The following TTN variants were observed in gnomAD, a reference collection of about 807,000 sequenced individuals.
TTN encodes titin.
In TTN, 1,525 loss-of-function variants were observed where a neutral mutation model predicts 3,223.0. The ratio of observed to expected loss-of-function variants is 0.47; its 90% CI spans 0.45 to 0.49. The LOEUF (loss-of-function observed/expected upper bound fraction) is 0.49. TTN is among the 20% of genes least tolerant of loss of function. The pLI is 0.00. For missense variants in TTN, 40,786 were observed against 43,424.0 expected (o/e 0.94, Z 5.40); for synonymous variants, 14,094 against 15,161.0 (o/e 0.93, Z 5.17).
chr2:178,567,329 G>A lies in TTN; in HGVS notation c.78803C>T (p.Ala26268Val). ...RIDGGQYILR[A>V]SNVAGSKSFP... ...TGACTTAGAACCTGCAACATTGGAAGCTCTTAAAATATACTGCCCACCATC... is the reference window on the plus strand; with the variant it reads ...TGACTTAGAACCTGCAACATTGGAAACTCTTAAAATATACTGCCCACCATC... Residue 26268 changes from alanine to valine, a missense_variant, in exon 326 of 363, where the codon GCT (alanine) becomes GTT (valine). Coordinates refer to ENST00000589042, the MANE Select transcript of TTN (RefSeq NM_001267550.2). The A allele has an allele frequency of 6.2e-7, 1 of 1,604,834 alleles. No homozygotes were observed. Among genetic ancestry groups the A allele is most frequent in the Non-Finnish European group, 8.5e-7 (1 of 1,176,692 alleles).
chr2:178,786,804 G>A (rs1367942597), intron 13 of TTN, among the ~76,000 whole-genome samples: 1 of 152,204 alleles, frequency 6.6e-6, no homozygotes, highest in Non-Finnish European at 1.5e-5. Flanking sequence ...TAAAATGAAA[G>A]TGTTATCATG....
In TTN at chr2:178,532,507, A is replaced by G; in HGVS notation, c.104108T>C (p.Phe34703Ser). The change falls in exon 358 of 363, where the codon TTT becomes TCT. Residue 34703 changes from phenylalanine (F) to serine (S), a missense_variant. Physicochemically the swap from Phe to Ser is radical, Grantham distance 155. Coordinates refer to ENST00000589042, the MANE Select transcript of TTN (RefSeq NM_001267550.2). ...ASPPSRSPPH[F>S]ELSSLRYSSP... ...AGAGTAACGTAGGCTAGAAAGCTCAAAGTGTGGAGGGCTTCGACTTGGGGG... is the reference window on the plus strand; with the variant it reads ...AGAGTAACGTAGGCTAGAAAGCTCAGAGTGTGGAGGGCTTCGACTTGGGGG... The G allele has an allele frequency of 6.2e-7, 1 of 1,614,014 alleles. No individual in the cohort carries two copies. Among genetic ancestry groups the G allele is most frequent in the Non-Finnish European group, 8.5e-7 (1 of 1,179,876 alleles).
At position 178,552,171 on chromosome 2, in the gene TTN, G is replaced by C. The variant is rs753176908; in HGVS notation, c.90729C>G (p.Ile30243Met). 6.2e-7 allele frequency: 1 copy of C among 1,613,744 alleles called. No homozygotes were observed. ...RFDEIKADSV[I>M]LSWDVPEDNG... ...TATCTTCAGGTACATCCCATGACAG[G>C]ATGACACTATCAGCCTTGATTTCAT... is the stretch of plus-strand genomic sequence containing the variant. Residue 30243 changes from isoleucine (I) to methionine (M), a missense_variant, in exon 335 of 363, where the codon ATC (isoleucine) becomes ATG (methionine). Physicochemically the swap from Ile to Met is conservative, Grantham distance 10 (BLOSUM62 1). Coordinates refer to ENST00000589042, the MANE Select transcript of TTN (RefSeq NM_001267550.2).
chr2:178,776,544 T>C lies in TTN; in HGVS notation c.5320A>G (p.Ile1774Val), dbSNP rs758207512. 6.2e-7 allele frequency: 1 copy of C among 1,611,726 alleles called. No individual in the cohort carries two copies. The highest frequency in any genetic ancestry group is 8.5e-7 in the Non-Finnish European group (1 of 1,179,992). ...TTGTTAGTGGCTCTGCAAGTAATGATACCACTGTCTCTAGAATATGCAACG... is the reference window on the plus strand; with the variant it reads ...TTGTTAGTGGCTCTGCAAGTAATGACACCACTGTCTCTAGAATATGCAACG... ...YGVAYSRDSG[I>V]ITCRATNKYG... The change falls in exon 28 of 363, where the codon ATC becomes GTC. Residue 1774 changes from isoleucine to valine, a missense_variant. Ile to Val is a conservative substitution (Grantham distance 29). Coordinates refer to ENST00000589042, the MANE Select transcript of TTN (RefSeq NM_001267550.2).
rs188265685 is a variant in TTN at position 178,596,747 on chromosome 2, T to A, written c.57544+791A>T. On this transcript the variant is annotated intron_variant, in intron 294 of 362. Transcript: ENST00000589042. ...ATATTAATTATATTCAACATAGAAC[T>A]GGCAATTTTCACATAAAAACTGTGG... Among the ~76,000 whole-genome samples the A allele has an allele frequency of 6.6e-5, 10 of 152,186 alleles. No homozygotes were observed. The South Asian group carries it at 1.2e-3, about 19-fold the overall frequency.
chr2:178,565,444 A>T lies in TTN; in HGVS notation c.80688T>A (p.Asp26896Glu). 6.2e-7 allele frequency: 1 copy of T among 1,613,336 alleles called. No homozygotes were observed. Among genetic ancestry groups the T allele is most frequent in the Non-Finnish European group, 8.5e-7 (1 of 1,179,614 alleles). Residue 26896 changes from aspartate (D) to glutamate (E), a missense_variant, in exon 326 of 363, where the codon GAT becomes GAA. Physicochemically the swap from Asp to Glu is conservative, Grantham distance 45. Transcript: ENST00000589042. ...FNTYSIQAGEDLKIEIPVIGR... is the reference protein window; with the variant it reads ...FNTYSIQAGEELKIEIPVIGR... Reference sequence around the variant, plus strand: ...CTATAACTGGAATTTCTATTTTAAGATCTTCTCCAGCTTGGATACTATATG... The same window carrying T: ...CTATAACTGGAATTTCTATTTTAAGTTCTTCTCCAGCTTGGATACTATATG...
chr2:178,720,588 A>G lies in TTN; in HGVS notation c.23174T>C (p.Ile7725Thr). 6.2e-7 allele frequency: 1 copy of G among 1,613,356 alleles called. No individual in the cohort carries two copies. Among genetic ancestry groups the G allele is most frequent in the Non-Finnish European group, 8.5e-7 (1 of 1,179,562 alleles). Reference protein sequence around the residue: ...KGSDVILQCEISGTPPFEVVW... With the variant: ...KGSDVILQCETSGTPPFEVVW... ...TACTTCAAATGGGGGAGTTCCCGAA[A>G]TTTCACATTGGAGAATCACATCAGA... The change falls in exon 80 of 363, where the codon ATT becomes ACT. Residue 7725 changes from isoleucine (I) to threonine (T), a missense_variant. Transcript: ENST00000589042.
chr2:178,547,636 C>T lies in TTN; in HGVS notation c.93990G>A (p.Trp31330Ter). ...TGCCTCCTCCATCTTTAGGTTCTCC[C>T]CATGACAGGACACACGATTCAGCTG... ...SVSAESCVLS[W>*]GEPKDGGGTE... is the part of the protein sequence containing the mutation. Residue 31330 changes from tryptophan to a stop codon, truncating the protein, a stop_gained, in exon 339 of 363, where the codon TGG becomes TGA. Coordinates refer to ENST00000589042, the MANE Select transcript of TTN (RefSeq NM_001267550.2). LOFTEE classifies it high-confidence loss of function. 1 of 1,613,846 alleles carries T rather than the reference C, an allele frequency of 6.2e-7. No homozygotes were observed. Among genetic ancestry groups the T allele is most frequent in the Non-Finnish European group, 8.5e-7 (1 of 1,179,800 alleles).
At position 178,562,158 on chromosome 2, in the gene TTN, C is replaced by A; in HGVS notation, c.83974G>T (p.Ala27992Ser). The part of the protein sequence containing the change: ...IDVPFKGRPQ[A>S]TVNWRKDGQT... Reference sequence around the variant, plus strand: ...CCATCTTTTCTCCAGTTCACAGTAGCTTGAGGTCTTCCTTTGAATGGCACA... The same window carrying A: ...CCATCTTTTCTCCAGTTCACAGTAGATTGAGGTCTTCCTTTGAATGGCACA... Residue 27992 changes from alanine to serine, a missense_variant, in exon 326 of 363, where the codon GCT becomes TCT. Transcript: ENST00000589042. 1 of 1,613,172 alleles carries A rather than the reference C, an allele frequency of 6.2e-7. No homozygotes were observed. Among genetic ancestry groups the A allele is most frequent in the Non-Finnish European group, 8.5e-7 (1 of 1,179,554 alleles).
intron 139 of TTN, 59 bp from the exon 140 acceptor site, chr2:178,680,114 C>G: frequency 6.3e-7 from 1 of 1,596,256 alleles, no homozygotes; most frequent in East Asian, 2.2e-5. Flanking sequence ...AATTAAGACA[C>G]CTTAGAAACA....
rs759781894 is a variant in TTN at position 178,709,774 on chromosome 2, T to G, written c.28545A>C (p.Gly9515=). 2.5e-6 allele frequency: 4 copies of G among 1,613,848 alleles called. No homozygotes were observed. The highest frequency in any genetic ancestry group is 3.4e-6 in the Non-Finnish European group (4 of 1,179,824). ...ETEGNSFKLE[G]RVAGSQPITV... The stretch of plus-strand genomic sequence containing the variant: ...TTATAGGTTGGGAACCAGCCACACG[T>G]CCCTCAAGTTTGAAAGAATTCCCTT... The change falls in exon 99 of 363, where the codon GGA becomes GGC. Residue 9515 remains glycine (G), a synonymous_variant. Transcript: ENST00000589042.
In TTN at chr2:178,614,191, T is replaced by C. The variant is rs775694359; in HGVS notation, c.49206A>G (p.Ser16402=). ...TGAAGTTTGTATCCTTGACGGTGGA[T>C]GAGAGCTTGTGCCACACTTCACTAT... ...ATDSEVWHKL[S]STVKDTNFKA... is the part of the protein sequence containing the mutation. Residue 16402 remains serine, a synonymous_variant, in exon 262 of 363, where the codon TCA becomes TCG. Transcript: ENST00000589042. 6.2e-7 allele frequency: 1 copy of C among 1,612,510 alleles called. No individual in the cohort carries two copies. The highest frequency in any genetic ancestry group is 1.1e-5 in the South Asian group (1 of 91,052).
chr2:178,771,571 G>C (rs1000063560), intron 33 of TTN, 100 bp from the exon 34 acceptor site: 2 of 1,521,610 alleles, frequency 1.3e-6, no homozygotes, highest in Non-Finnish European at 1.8e-6. Flanking sequence ...TTAAGAACAT[G>C]ATTTTGAAAT....
chr2:178,695,319 A>G (rs1319646734), intron 115 of TTN, 29 bp downstream of exon 115: 9 of 1,574,676 alleles, frequency 5.7e-6, no homozygotes, highest in Non-Finnish European at 7.0e-6. Flanking sequence ...TTGATGCTCT[A>G]GTCTATTTAA....
chr2:178,778,145 C>T, intron 24 of TTN, 170 bp from the exon 25 acceptor site: 1 of 855,134 alleles, frequency 1.2e-6, no homozygotes, highest in Non-Finnish European at 1.8e-6. Flanking sequence ...TATTGTTGCC[C>T]CCACAACTAT....
In TTN at chr2:178,785,999, C is replaced by T. The variant is rs28933405; in HGVS notation, c.2219G>A (p.Arg740His). 22 of 1,613,950 alleles carry T rather than the reference C, an allele frequency of 1.4e-5. No homozygotes were observed. The highest frequency in any genetic ancestry group is 5.5e-5 in the South Asian group (5 of 91,092). ...CTCAGCTACCTTTGCGGCGGAAATG[C>T]GTTCCTTATATCCGTACTCCAAAGT... is the stretch of plus-strand genomic sequence containing the variant. Reference protein sequence around the residue: ...QTTLEYGYKERISAAKVAEPP... With the variant: ...QTTLEYGYKEHISAAKVAEPP... Residue 740 changes from arginine to histidine, a missense_variant, in exon 14 of 363, where the codon CGC becomes CAC. Coordinates refer to ENST00000589042, the MANE Select transcript of TTN (RefSeq NM_001267550.2).
At position 178,543,846 on chromosome 2, in the gene TTN, C is replaced by G; in HGVS notation, c.96298G>C (p.Val32100Leu). The G allele has an allele frequency of 6.2e-7, 1 of 1,613,556 alleles. No individual in the cohort carries two copies. Among genetic ancestry groups the G allele is most frequent in the South Asian group, 1.1e-5 (1 of 91,070 alleles). The change falls in exon 346 of 363, where the codon GTT becomes CTT. Residue 32100 changes from valine to leucine, a missense_variant. Coordinates refer to ENST00000589042, the MANE Select transcript of TTN (RefSeq NM_001267550.2). ...QSGKKSATVLVKVYDTPGPCP... is the reference protein window; with the variant it reads ...QSGKKSATVLLKVYDTPGPCP... ...GTAAAATGCTTACCATAGACTTTAA[C>G]AAGGACTGTTGCTGATTTCTTGCCA...
Position 178,696,020 on chromosome 2 carries a change from T to A in TTN, c.31052A>T (p.Glu10351Val). The A allele has an allele frequency of 6.5e-7, 1 of 1,548,594 alleles. No individual in the cohort carries two copies. The highest frequency in any genetic ancestry group is 8.7e-7 in the Non-Finnish European group (1 of 1,145,870). Residue 10351 changes from glutamate (E) to valine (V), a missense_variant, in exon 114 of 363, where the codon GAA becomes GTA. Physicochemically the swap from Glu to Val is moderately radical, Grantham distance 121 (BLOSUM62 -2). Coordinates refer to ENST00000589042, the MANE Select transcript of TTN (RefSeq NM_001267550.2). ...PDEDYEEIKVEAKKEVHEEWE... is the reference protein window; with the variant it reads ...PDEDYEEIKVVAKKEVHEEWE... Reference sequence around the variant, plus strand: ...TTCCTCGTGAACTTCTTTTTTAGCTTCTACCTTAATCTCTTCATAGTCTTC... The same window carrying A: ...TTCCTCGTGAACTTCTTTTTTAGCTACTACCTTAATCTCTTCATAGTCTTC...
chr2:178,756,204 A>G lies in TTN; in HGVS notation c.11254+18T>C. 6.4e-7 allele frequency: 1 copy of G among 1,559,884 alleles called. No individual in the cohort carries two copies. The highest frequency in any genetic ancestry group is 8.8e-7 in the Non-Finnish European group (1 of 1,141,408). ...ATGAGGATGAAATGAAGCAAGTCAT[A>G]GCTAAAAATCAATTAACCACCTTCT... is the stretch of plus-strand genomic sequence containing the variant. On this transcript the variant is annotated intron_variant, in intron 46 of 362. Coordinates refer to ENST00000589042, the MANE Select transcript of TTN (RefSeq NM_001267550.2).
Sources: allele counts gnomAD v4.1 joint callset (sites outside exome capture counted in the v4.1 genomes callset), GRCh38; gene constraint gnomAD v4.1.1; transcripts MANE v1.5; gene names NCBI Gene and HGNC (gene_info 2026-07-23, HGNC 2026-07-21).